Variants in HYDIN observed in about 807,000 individuals in gnomAD.
HYDIN encodes the protein axonemal central pair apparatus protein HYDIN.
In HYDIN, 132 loss-of-function variants were observed where a neutral mutation model predicts 403.9. That is an observed-to-expected ratio of 0.33 (90% CI 0.28 to 0.38). HYDIN has a LOEUF of 0.38. HYDIN is among the 10% of genes least tolerant of loss of function. The pLI, the probability that HYDIN is intolerant of heterozygous loss-of-function variation, is 1.00. For synonymous variants in HYDIN, 1,202 were observed against 1,891.7 expected (o/e 0.64, Z 9.46); for missense variants, 2,827 against 5,009.5 (o/e 0.56, Z 13.15).
chr16:71,202,470 G>A (rs2088069695), intron 1 of HYDIN, among the ~76,000 whole-genome samples: 1 of 152,000 alleles, frequency 6.6e-6, no homozygotes, highest in South Asian at 2.1e-4. Flanking sequence ...AGATGTAATG[G>A]CCCTCTTTTG....
chr16:70,969,683 A>G (rs1485436872), intron 36 of HYDIN, among the ~76,000 whole-genome samples: 2 of 152,244 alleles, frequency 1.3e-5, no homozygotes, highest in African/African-American at 4.8e-5. Context: ...GGCGTATCAG[A>G]AAAGAAGAAA....
At chr16:71,195,347 G>A (rs1459313633) in intron 1 of HYDIN, among the ~76,000 whole-genome samples, 1 of 152,048 alleles carries the variant, frequency 6.6e-6, no homozygotes. Context: ...GCATAAAACT[G>A]TTCACATGTC....
intron 35 of HYDIN, among the ~76,000 whole-genome samples, chr16:70,973,003 T>C (rs1567930035): frequency 3.3e-5 from 5 of 152,248 alleles, no homozygotes; most frequent in African/African-American, 1.2e-4. Context: ...CAATAAGGAC[T>C]TCTGATATGC....
chr16:70,991,995 T>C, intron 24 of HYDIN, 75 bp downstream of exon 24: 3 of 1,602,556 alleles, frequency 1.9e-6, no homozygotes, highest in East Asian at 2.2e-5. Context: ...CAATGAGGGA[T>C]GAGTATTGAG....
Position 70,970,597 on chromosome 16 carries a change from T to A in HYDIN, c.5542A>T (p.Ile1848Leu), listed in dbSNP as rs1567925810. 1 of 1,362,830 alleles carries A rather than the reference T, an allele frequency of 7.3e-7. No homozygotes were observed. Among genetic ancestry groups the A allele is most frequent in the South Asian group, 1.2e-5 (1 of 85,140 alleles). 84.4% of individuals were successfully genotyped at this position (1,362,830 alleles called of 1,614,324 possible). ...LCAPGDEAEV[I>L]VKNPCNFPIE... ...GGGAAGTTGCAGGGATTCTTCACTA[T>A]CACCTCGGCCTCGTCTCCAGGTGCA... is the stretch of plus-strand genomic sequence containing the variant. The change falls in exon 36 of 86, where the codon ATA becomes TTA. Residue 1848 changes from isoleucine (I) to leucine (L), a missense_variant. Coordinates refer to ENST00000393567, the MANE Select transcript of HYDIN (RefSeq NM_001270974.2).
chr16:71,210,466 G>C (rs1373832052), intron 1 of HYDIN, among the ~76,000 whole-genome samples: 2 of 151,944 alleles, frequency 1.3e-5, no homozygotes. Context: ...AGAACACATG[G>C]ACAGAAAGAG....
At chr16:71,167,065 A>C (rs1214924646) in intron 5 of HYDIN, among the ~76,000 whole-genome samples, 2 of 147,144 alleles carry the variant, frequency 1.4e-5, no homozygotes, top group Non-Finnish European at 3.0e-5. Context: ...ACTCTGTCTC[A>C]AAAAAATTAA....
At chr16:71,229,890 G>C (rs1413552833) in intron 1 of HYDIN, among the ~76,000 whole-genome samples, 4 of 152,154 alleles carry the variant, frequency 2.6e-5, no homozygotes, top group African/African-American at 9.7e-5. Flanking sequence ...TAATCCCCAC[G>C]TGTCATGGGA....
At chr16:71,198,452 C>T (rs2087815171) in intron 1 of HYDIN, among the ~76,000 whole-genome samples, 1 of 152,140 alleles carries the variant, frequency 6.6e-6, no homozygotes, top group Non-Finnish European at 1.5e-5. Context: ...TGTCCTCCCC[C>T]ATCTCTTGCT....
At chr16:71,012,654 CTAA>C (rs1374725119) in intron 23 of HYDIN, among the ~76,000 whole-genome samples, 1 of 152,142 alleles carries the variant, frequency 6.6e-6, no homozygotes, top group Non-Finnish European at 1.5e-5. Context: ...TCAGACCTAT[CTAA>C]TAAAAGAAAA....
intron 30 of HYDIN, among the ~76,000 whole-genome samples, chr16:70,976,816 G>A (rs1402588456): frequency 6.6e-6 from 1 of 152,252 alleles, no homozygotes; most frequent in African/African-American, 2.4e-5. Flanking sequence ...GGAAAAGGTT[G>A]AGAAATACTA....
intron 78 of HYDIN, among the ~76,000 whole-genome samples, chr16:70,834,997 C>CAT (rs1198491412): frequency 2.2e-4 from 31 of 139,176 alleles, no homozygotes; most frequent in South Asian, 1.3e-3. Flanking sequence ...TATATACACA[C>CAT]ATATATATAT....
At chr16:71,174,540 T>C (rs139806561) in intron 5 of HYDIN, among the ~76,000 whole-genome samples, 1 of 152,268 alleles carries the variant, frequency 6.6e-6, no homozygotes, top group Non-Finnish European at 1.5e-5. Context: ...CCTTCAATCA[T>C]GCTGGTAAAA....
At chr16:71,098,290 C>T (rs1047961867) in intron 10 of HYDIN, among the ~76,000 whole-genome samples, 1 of 151,444 alleles carries the variant, frequency 6.6e-6, no homozygotes, top group African/African-American at 2.4e-5. Flanking sequence ...CAAGCTCCGC[C>T]TCCCAGGTTC....
chr16:71,222,485 G>T (rs530286963), intron 1 of HYDIN, among the ~76,000 whole-genome samples: 1 of 152,116 alleles, frequency 6.6e-6, no homozygotes, highest in East Asian at 1.9e-4. Flanking sequence ...GTCCTAGCCA[G>T]AGCAACCAGC....
rs375213825 is a variant in HYDIN at position 70,944,950 on chromosome 16, G to A, written c.6532-1001C>T. ...GTATTTTTAGTAGAGACAGGGTTTC[G>A]CCATGTTGGCTAGGCTGGTCTCGAA... is the stretch of plus-strand genomic sequence containing the variant. On this transcript the variant is annotated intron_variant, in intron 41 of 85. Coordinates refer to ENST00000393567, the MANE Select transcript of HYDIN (RefSeq NM_001270974.2). Among the ~76,000 whole-genome samples the A allele has an allele frequency of 2.5e-3, 379 of 152,256 alleles. 2 individuals are homozygous for A. Among genetic ancestry groups the A allele is most frequent in the African/African-American group, 8.2e-3 (342 of 41,564 alleles).
intron 41 of HYDIN, among the ~76,000 whole-genome samples, chr16:70,945,343 T>C (rs1337416205): frequency 1.3e-5 from 2 of 152,158 alleles, no homozygotes; most frequent in Non-Finnish European, 2.9e-5. Context: ...AAGGAAAGAC[T>C]GGGAGAAGAA....
chr16:71,114,950 G>A, intron 10 of HYDIN, among the ~76,000 whole-genome samples: 1 of 124,766 alleles, frequency 8.0e-6, no homozygotes, highest in Non-Finnish European at 1.7e-5. Context: ...ATCCCACTTG[G>A]AATTATTTTG....
In HYDIN at chr16:71,230,467, C is replaced by T. The variant is rs2041231753; in HGVS notation, c.-24+95G>A. ...TGGAAAGTCTGGAGAACGCCTGGGA[C>T]GCAGGGCGAGGACGAGGACGAAAAG... On this transcript the variant is annotated intron_variant, in intron 1 of 85. Coordinates refer to ENST00000393567, the MANE Select transcript of HYDIN (RefSeq NM_001270974.2). 2.2e-6 allele frequency: 3 copies of T among 1,392,092 alleles called. No homozygotes were observed. The South Asian group carries it at 4.5e-5, about 21-fold the overall frequency. 86.2% of individuals were successfully genotyped at this position (1,392,092 alleles called of 1,614,324 possible).
Sources: allele counts gnomAD v4.1 joint callset (sites outside exome capture counted in the v4.1 genomes callset), GRCh38; gene constraint gnomAD v4.1.1; transcripts MANE v1.5; gene names NCBI Gene and HGNC (gene_info 2026-07-23, HGNC 2026-07-21).